DPH6: variants seen among roughly 807,000 people sequenced by gnomAD.
The protein encoded by DPH6 is diphthamine biosynthesis 6, also known as diphthine--ammonia ligase.
DPH6 carries 33 observed loss-of-function variants against 38.2 expected under a neutral mutation model. The ratio of observed to expected loss-of-function variants is 0.86; its 90% CI spans 0.65 to 1.15. DPH6 has a LOEUF of 1.15. Among genes scored for constraint, DPH6 ranks in the 50% most tolerant of loss-of-function variants. DPH6 has a pLI of 0.00. For missense variants in DPH6, 325 were observed against 320.0 expected (o/e 1.02, Z -0.12); for synonymous variants, 108 against 103.0 (o/e 1.05, Z -0.30).
At chr15:35,145,038 G>C in the DPH6 span, among the ~76,000 whole-genome samples, 1 of 151,954 alleles carries the variant, frequency 6.6e-6, no homozygotes, top group Middle Eastern at 3.2e-3. Context: ...TCTAAGTGTA[G>C]GTAAATAACA....
intron 6 of DPH6, among the ~76,000 whole-genome samples, chr15:35,387,177 C>A (rs1421259273): frequency 2.0e-5 from 3 of 152,038 alleles, no homozygotes; most frequent in East Asian, 1.9e-4. Context: ...TATCTGAGGT[C>A]TCTGTTCTGT....
the DPH6 span, among the ~76,000 whole-genome samples, chr15:35,169,922 G>A: frequency 6.6e-6 from 1 of 152,164 alleles, no homozygotes; most frequent in East Asian, 1.9e-4. Flanking sequence ...TCTGATGTAG[G>A]AAATGCATTT....
At chr15:35,246,915 G>A (rs983728127) in intron 3 of DPH6, among the ~76,000 whole-genome samples, 11 of 136,176 alleles carry the variant, frequency 8.1e-5, no homozygotes, top group East Asian at 4.6e-4. Flanking sequence ...TAGATCTTCC[G>A]TAAGAACAAT....
At chr15:35,355,519 G>A (rs917527330) in intron 3 of DPH6, among the ~76,000 whole-genome samples, 4 of 152,140 alleles carry the variant, frequency 2.6e-5, no homozygotes, top group South Asian at 2.1e-4. Flanking sequence ...TGTCTGTAAA[G>A]GATTTTATTT....
chr15:35,481,458 G>C lies in DPH6; in HGVS notation c.313-26638C>G, dbSNP rs558047088. Among the ~76,000 whole-genome samples the C allele has an allele frequency of 6.6e-5, 10 of 152,180 alleles. No individual in the cohort carries two copies. In the South Asian group the frequency reaches 1.2e-3, roughly 19 times the overall value. On this transcript the variant is annotated intron_variant, in intron 3 of 8. Coordinates refer to ENST00000256538, the MANE Select transcript of DPH6 (RefSeq NM_080650.4). ...AATTGCAATACATGAAACTTCTTTGGATCTTGATTCAAACAAAAAAATTGT... is the reference window on the plus strand; with the variant it reads ...AATTGCAATACATGAAACTTCTTTGCATCTTGATTCAAACAAAAAAATTGT...
chr15:35,360,012 T>C (rs1398363584), intron 3 of DPH6, among the ~76,000 whole-genome samples: 1 of 152,230 alleles, frequency 6.6e-6, no homozygotes, highest in Non-Finnish European at 1.5e-5. Flanking sequence ...GTTCATGCAT[T>C]TCCATTTCTT....
At chr15:35,247,519 C>A (rs895930421) in intron 3 of DPH6, among the ~76,000 whole-genome samples, 4 of 152,154 alleles carry the variant, frequency 2.6e-5, no homozygotes, top group Non-Finnish European at 5.9e-5. Context: ...CAAGATAAAT[C>A]TAGATTTCTT....
At chr15:35,274,425 C>T (rs1309670693) in intron 3 of DPH6, among the ~76,000 whole-genome samples, 1 of 152,030 alleles carries the variant, frequency 6.6e-6, no homozygotes, top group Non-Finnish European at 1.5e-5. Flanking sequence ...CGCTTCTGCA[C>T]AGCAAAAGAA....
intron 5 of DPH6, among the ~76,000 whole-genome samples, chr15:35,413,033 A>G (rs890201044): frequency 6.6e-6 from 1 of 151,648 alleles, no homozygotes; most frequent in African/African-American, 2.4e-5. Context: ...TAACAAATGT[A>G]CAACTCTAGC....
intron 3 of DPH6, among the ~76,000 whole-genome samples, chr15:35,288,396 C>T (rs1162144529): frequency 6.6e-6 from 1 of 152,050 alleles, no homozygotes; most frequent in Non-Finnish European, 1.5e-5. Flanking sequence ...AAATTTAAAA[C>T]CAAAAGGAGA....
At chr15:35,496,567 A>AAAAAAAAAAAAAAAAAAAAAAATAT in intron 3 of DPH6, among the ~76,000 whole-genome samples, 6 of 31,016 alleles carry the variant, frequency 1.9e-4, no homozygotes, top group African/African-American at 8.2e-4. Context: ...AAAAAAAAAA[A>AAAAAAAAAAAAAAAAAAAAAAATAT]ATATATATAT....
At chr15:35,415,699 T>C (rs552031239) in intron 5 of DPH6, among the ~76,000 whole-genome samples, 2 of 152,128 alleles carry the variant, frequency 1.3e-5, no homozygotes, top group South Asian at 4.1e-4. Context: ...TAGTTGGCCA[T>C]TTAAACACTT....
At chr15:35,497,662 C>T (rs919519018) in intron 3 of DPH6, among the ~76,000 whole-genome samples, 2 of 151,944 alleles carry the variant, frequency 1.3e-5, no homozygotes, top group Admixed American at 1.3e-4. Context: ...CTCTGTGAAT[C>T]GATAAAAATG....
chr15:35,220,150 ATC>A (rs1209354770), exon 4 of DPH6: 1 of 152,164 alleles, frequency 6.6e-6, no homozygotes, highest in Non-Finnish European at 1.5e-5. Flanking sequence ...GATATCATAT[ATC>A]TCTGTCTACT....
chr15:35,200,183 T>G, the DPH6 span, among the ~76,000 whole-genome samples: 3 of 152,102 alleles, frequency 2.0e-5, no homozygotes, highest in Admixed American at 6.5e-5. Context: ...GAGAGAGAGT[T>G]TGGAACAATA....
At chr15:35,247,896 G>A (rs2140406748) in intron 3 of DPH6, among the ~76,000 whole-genome samples, 1 of 152,240 alleles carries the variant, frequency 6.6e-6, no homozygotes, top group Admixed American at 6.5e-5. Flanking sequence ...TGCTTCTGCT[G>A]TCATATATTA....
the DPH6 span, among the ~76,000 whole-genome samples, chr15:35,172,576 T>C: frequency 2.6e-5 from 4 of 152,212 alleles, no homozygotes; most frequent in Non-Finnish European, 5.9e-5. Context: ...GCATCATTTG[T>C]GGTAACTTAG....
chr15:35,188,866 G>C, the DPH6 span, among the ~76,000 whole-genome samples: 1 of 150,518 alleles, frequency 6.6e-6, no homozygotes, highest in African/African-American at 2.4e-5. Flanking sequence ...CTGGGTGATA[G>C]AGTGCCTCAA....
At chr15:35,433,074 C>A (rs1331360142) in intron 5 of DPH6, among the ~76,000 whole-genome samples, 1 of 151,768 alleles carries the variant, frequency 6.6e-6, no homozygotes, top group Non-Finnish European at 1.5e-5. Context: ...AATGCCAAAA[C>A]CCAGTCACAT....
Sources: gnomAD v4.1 joint callset for allele counts (sites outside exome capture counted in the v4.1 genomes callset) on GRCh38, gnomAD v4.1.1 for gene constraint, MANE v1.5 for transcripts, NCBI Gene and HGNC (gene_info 2026-07-23, HGNC 2026-07-21) for gene names.